Variants in PSMD13 observed in about 807,000 individuals in gnomAD.
PSMD13 encodes the protein proteasome 26S subunit, non-ATPase 13.
In PSMD13, 8 loss-of-function variants were observed where a neutral mutation model predicts 57.4. The ratio of observed to expected loss-of-function variants is 0.14; its 90% CI spans 0.08 to 0.25. PSMD13 has a LOEUF of 0.25. Among genes scored for constraint, PSMD13 ranks in the 10% least tolerant of loss-of-function variants. The probability of loss-of-function intolerance (pLI) is 1.00; values close to 1 mark genes in which losing one functional copy is unlikely to be tolerated. For missense variants in PSMD13, 400 were observed against 461.5 expected (o/e 0.87, Z 1.22); for synonymous variants, 193 against 168.2 (o/e 1.15, Z -1.14).
chr11:244,838 C>A, intron 6 of PSMD13, 77 bp downstream of exon 6: 2 of 1,167,762 alleles, frequency 1.7e-6, no homozygotes, highest in Non-Finnish European at 2.4e-6. Flanking sequence ...ACCTATTTTT[C>A]TTCTTTACTG....
In PSMD13 at chr11:248,943, T is replaced by A; in HGVS notation, c.660T>A (p.Pro220=). The A allele has an allele frequency of 6.2e-7, 1 of 1,614,226 alleles. No homozygotes were observed. Among genetic ancestry groups the A allele is most frequent in the Non-Finnish European group, 8.5e-7 (1 of 1,180,030 alleles). Reference sequence around the variant, plus strand: ...CTCCATCCTCACAGCTCATGCACCCTGTGCTGGAGTCCCTGAGGAATACTG... The same window carrying A: ...CTCCATCCTCACAGCTCATGCACCCAGTGCTGGAGTCCCTGAGGAATACTG... The part of the protein sequence containing the change: ...VFNFGELLMH[P]VLESLRNTDR... Residue 220 remains proline (P), a synonymous_variant, in exon 9 of 13, where the codon CCT becomes CCA. Coordinates refer to ENST00000532097, the MANE Select transcript of PSMD13 (RefSeq NM_002817.4).
In PSMD13 at chr11:252,875, CT is replaced by C; in HGVS notation, c.*276del. The C allele has an allele frequency of 2.6e-6, 1 of 392,050 alleles. No individual in the cohort carries two copies. Among genetic ancestry groups the C allele is most frequent in the Non-Finnish European group, 4.8e-6 (1 of 208,452 alleles). 24.3% of individuals were successfully genotyped at this position (392,050 alleles called of 1,614,324 possible). On this transcript the variant is annotated 3_prime_UTR_variant, in exon 13 of 13. Coordinates refer to ENST00000532097, the MANE Select transcript of PSMD13 (RefSeq NM_002817.4). The surrounding 1 kb of genome is among the most constrained non-coding windows in gnomAD (Gnocchi z 4.1). ...AAGAACGTGCCAGGCAGGAGGCCCC[CT>C]GAAGTCTGTGTACTCCGAGGTGGAT...
Position 251,697 on chromosome 11 carries a change from G to C in PSMD13, c.918+71G>C. ...TGGAGGAGTCAAGGCTCTTGTGTGA[G>C]CGCTGTGCTCCCTAGACAGTAAAAA... is the stretch of plus-strand genomic sequence containing the variant. On this transcript the variant is annotated intron_variant, in intron 11 of 12. Transcript: ENST00000532097. The surrounding 1 kb of genome is among the most constrained non-coding windows in gnomAD (Gnocchi z 4.6). 1 of 1,549,526 alleles carries C rather than the reference G, an allele frequency of 6.5e-7. No individual in the cohort carries two copies. The highest frequency in any genetic ancestry group is 2.2e-5 in the East Asian group (1 of 44,544).
chr11:247,283 A>G lies in PSMD13; in HGVS notation c.403A>G (p.Ile135Val), dbSNP rs538419577. 3.2e-5 allele frequency: 52 copies of G among 1,611,452 alleles called. No individual in the cohort carries two copies. The African/African-American group carries it at 6.0e-4, about 19-fold the overall frequency. ...TTTTCCTTCCTGTGTATAGGAAACAATTGAAGATGTTGAAGAAATGCTCAA... is the reference window on the plus strand; with the variant it reads ...TTTTCCTTCCTGTGTATAGGAAACAGTTGAAGATGTTGAAGAAATGCTCAA... ...IGDLQVTKET[I>V]EDVEEMLNNL... Residue 135 changes from isoleucine (I) to valine (V), a missense_variant, in exon 7 of 13, where the codon ATT becomes GTT. By Grantham distance (29) the Ile-to-Val change is conservative. Coordinates refer to ENST00000532097, the MANE Select transcript of PSMD13 (RefSeq NM_002817.4).
intron 2 of PSMD13, among the ~76,000 whole-genome samples, chr11:242,177 A>G (rs766720536): frequency 1.4e-5 from 2 of 145,794 alleles, no homozygotes; most frequent in African/African-American, 2.6e-5. Flanking sequence ...CTGTATTGTC[A>G]TTTATTTGTT....
Position 244,078 on chromosome 11 carries a change from A to G in PSMD13, c.209+3A>G. The G allele has an allele frequency of 6.2e-7, 1 of 1,609,366 alleles. No homozygotes were observed. The highest frequency in any genetic ancestry group is 8.5e-7 in the Non-Finnish European group (1 of 1,177,302). On this transcript the variant is annotated splice_donor_region_variant and intron_variant, in intron 3 of 12. Coordinates refer to ENST00000532097, the MANE Select transcript of PSMD13 (RefSeq NM_002817.4). Reference sequence around the variant, plus strand: ...TTTATCAGTGAATTTGAACACAGGTAAAAGCCTCTCATCCGTTTTTCACTT... The same window carrying G: ...TTTATCAGTGAATTTGAACACAGGTGAAAGCCTCTCATCCGTTTTTCACTT...
At position 246,536 on chromosome 11, in the gene PSMD13, A is replaced by G. The variant is rs567334386; in HGVS notation, c.397-741A>G. ...GGAGATTTAGGTTGTTTTTTTTACT[A>G]TCACAAACAGTACTGCCATAAGTAT... On this transcript the variant is annotated intron_variant, in intron 6 of 12. Transcript: ENST00000532097. Among the ~76,000 whole-genome samples the G allele has an allele frequency of 7.2e-5, 11 of 152,230 alleles. No individual in the cohort carries two copies. The South Asian group carries it at 1.7e-3, about 23-fold the overall frequency.
At chr11:243,809 C>T (rs1447343529) in intron 2 of PSMD13, among the ~76,000 whole-genome samples, 1 of 152,176 alleles carries the variant, frequency 6.6e-6, no homozygotes, top group Non-Finnish European at 1.5e-5. Context: ...CTAGAAGAAA[C>T]CTAATATTCC....
At chr11:239,954 A>T (rs1357310767) in intron 2 of PSMD13, among the ~76,000 whole-genome samples, 1 of 151,688 alleles carries the variant, frequency 6.6e-6, no homozygotes, top group East Asian at 1.9e-4. Context: ...CTACCCCACC[A>T]CCTGGGCTTG....
chr11:250,286 C>T (rs1232683689), intron 9 of PSMD13, among the ~76,000 whole-genome samples: 1 of 152,192 alleles, frequency 6.6e-6, no homozygotes, highest in Non-Finnish European at 1.5e-5. Context: ...CTTGCAGAAG[C>T]GTATATTCTA....
intron 2 of PSMD13, 90 bp from the exon 3 acceptor site, chr11:243,951 G>T: frequency 3.0e-6 from 4 of 1,333,686 alleles, no homozygotes; most frequent in Non-Finnish European, 4.2e-6. Context: ...TAGCATTGAT[G>T]CAGCTTCTTT....
rs3782113 is a variant in PSMD13, at chr11:251,057, C to G, written c.837+192C>G. 0.012 allele frequency: 6,859 copies of G among 582,642 alleles called. 338 individuals are homozygous for G. In the East Asian group the frequency reaches 0.13, roughly 11 times the overall value. The allele number at this position is 582,642 out of a possible 1,614,324, so 36.1% of individuals were successfully genotyped here. A position where few individuals can be genotyped will look rare whatever the true frequency, so the allele number is the denominator to read the frequency against. On this transcript the variant is annotated intron_variant, in intron 10 of 12. Coordinates refer to ENST00000532097, the MANE Select transcript of PSMD13 (RefSeq NM_002817.4). The surrounding 1 kb of genome is among the most constrained non-coding windows in gnomAD (Gnocchi z 4.6). ...TTCTAAGTTTATATTTGGCTCTTAG[C>G]TCAGACGACACCCTCCCACCCCACT...
In PSMD13 at chr11:252,643, A is replaced by G. The variant is rs769947020; in HGVS notation, c.*43A>G. ...TCGTGTCTCCTTTGACTCACCTGAGAGAGGCGTTTGCAGCCAATGAAGCTG... is the reference window on the plus strand; with the variant it reads ...TCGTGTCTCCTTTGACTCACCTGAGGGAGGCGTTTGCAGCCAATGAAGCTG... On this transcript the variant is annotated 3_prime_UTR_variant, in exon 13 of 13. Transcript: ENST00000532097. The surrounding 1 kb of genome is among the most constrained non-coding windows in gnomAD (Gnocchi z 4.1). The G allele has an allele frequency of 1.9e-6, 3 of 1,587,062 alleles. No homozygotes were observed. In the Admixed American group the frequency reaches 5.0e-5, roughly 27 times the overall value.
At chr11:245,268 T>C (rs1261016546) in intron 6 of PSMD13, among the ~76,000 whole-genome samples, 1 of 152,158 alleles carries the variant, frequency 6.6e-6, no homozygotes, top group Non-Finnish European at 1.5e-5. Flanking sequence ...CTTTTACCGC[T>C]TTTGCCTTTG....
chr11:244,838 C>T (rs1859596708), intron 6 of PSMD13, 77 bp downstream of exon 6: 11 of 1,167,772 alleles, frequency 9.4e-6, no homozygotes, highest in Admixed American at 2.6e-5. Flanking sequence ...ACCTATTTTT[C>T]TTCTTTACTG....
At position 249,086 on chromosome 11, in the gene PSMD13, T is replaced by C. The variant is rs548826920; in HGVS notation, c.774+29T>C. The C allele has an allele frequency of 9.3e-6, 15 of 1,606,786 alleles. No individual in the cohort carries two copies. The South Asian group carries it at 1.1e-4, about 12-fold the overall frequency. On this transcript the variant is annotated intron_variant, in intron 9 of 12. Coordinates refer to ENST00000532097, the MANE Select transcript of PSMD13 (RefSeq NM_002817.4). ...GGACTCCCACGATGCCCAGCCCTTA[T>C]TCCCCCATGTATCTACTCGCTCATA...
At position 252,850 on chromosome 11, in the gene PSMD13, A is replaced by G. The variant is rs1259214033; in HGVS notation, c.*250A>G. The G allele has an allele frequency of 1.3e-5, 6 of 452,558 alleles. No homozygotes were observed. Among genetic ancestry groups the G allele is most frequent in the Admixed American group, 3.3e-5 (1 of 29,862 alleles). The allele number at this position is 452,558 out of a possible 1,614,324, so 28.0% of individuals were successfully genotyped here. A position where few individuals can be genotyped will look rare whatever the true frequency, so the allele number is the denominator to read the frequency against. ...AGGGTCTTAGGTGATACGGGAGAGA[A>G]AGAACGTGCCAGGCAGGAGGCCCCC... On this transcript the variant is annotated 3_prime_UTR_variant, in exon 13 of 13. Coordinates refer to ENST00000532097, the MANE Select transcript of PSMD13 (RefSeq NM_002817.4). This position sits in a 1 kb window ranked among gnomAD's most constrained non-coding sequence, Gnocchi z 4.1.
Position 244,141 on chromosome 11 carries a change from G to A in PSMD13, c.210-20G>A, listed in dbSNP as rs7128029. On this transcript the variant is annotated intron_variant, in intron 3 of 12. Coordinates refer to ENST00000532097, the MANE Select transcript of PSMD13 (RefSeq NM_002817.4). ...CATTGATGCTCGGCGGTGCTCAAAG[G>A]CTGGTGGCTTTTATTTCAGGGTGAA... 1,185,069 of 1,527,508 alleles carry A rather than the reference G, an allele frequency of 0.78. 469,578 individuals are homozygous for A. The highest frequency in any genetic ancestry group is 0.89 in the African/African-American group (65,701 of 73,806). 94.6% of individuals were successfully genotyped at this position (1,527,508 alleles called of 1,614,324 possible).
chr11:238,133 C>T (rs1177044980), intron 1 of PSMD13, among the ~76,000 whole-genome samples: 1 of 152,212 alleles, frequency 6.6e-6, no homozygotes, highest in Non-Finnish European at 1.5e-5. Context: ...GTCACTGTCC[C>T]TGAGGTTTTA....
Sources: gnomAD v4.1 joint callset for allele counts (sites outside exome capture counted in the v4.1 genomes callset) on GRCh38, gnomAD v4.1.1 for gene constraint, Gnocchi (gnomAD v3.1) non-coding constraint, MANE v1.5 for transcripts, NCBI Gene and HGNC (gene_info 2026-07-23, HGNC 2026-07-21) for gene names.